PAPPA2: variants seen among roughly 807,000 people sequenced by gnomAD.
PAPPA2 encodes the protein pappalysin 2.
Under a neutral mutation model 176.4 loss-of-function variants are expected in PAPPA2, and 86 were observed. The ratio of observed to expected loss-of-function variants is 0.49; its 90% confidence interval spans 0.41 to 0.58. PAPPA2 has a LOEUF of 0.58. Among genes scored for constraint, PAPPA2 ranks in the 20% least tolerant of loss-of-function variants. PAPPA2 has a pLI of 0.00. For missense variants in PAPPA2, 2,073 were observed against 2,256.9 expected (o/e 0.92, Z 1.65); for synonymous variants, 809 against 852.2 (o/e 0.95, Z 0.88).
At chr1:176,599,151 G>GTA (rs1284878195) in intron 3 of PAPPA2, among the ~76,000 whole-genome samples, 36 of 150,670 alleles carry the variant, frequency 2.4e-4, no homozygotes, top group African/African-American at 4.1e-4. Context: ...GTGTGTGTGT[G>GTA]TATATATATA....
chr1:176,756,785 T>A (rs771643888), intron 14 of PAPPA2, among the ~76,000 whole-genome samples: 3 of 152,178 alleles, frequency 2.0e-5, no homozygotes, highest in Non-Finnish European at 2.9e-5. Context: ...TAGGTATACA[T>A]GTGCCATGTT....
At chr1:176,606,061 T>C (rs1370195588) in intron 3 of PAPPA2, among the ~76,000 whole-genome samples, 1 of 151,554 alleles carries the variant, frequency 6.6e-6, no homozygotes, top group Non-Finnish European at 1.5e-5. Context: ...TTATATATAA[T>C]ATTTTATATA....
At chr1:176,792,565 T>G (rs1326521528) in intron 19 of PAPPA2, among the ~76,000 whole-genome samples, 1 of 152,142 alleles carries the variant, frequency 6.6e-6, no homozygotes, top group African/African-American at 2.4e-5. Context: ...TCTAGAGGCC[T>G]TAAGAGGAAT....
chr1:176,613,050 C>T (rs1655019964), intron 3 of PAPPA2, among the ~76,000 whole-genome samples: 1 of 152,148 alleles, frequency 6.6e-6, no homozygotes, highest in Admixed American at 6.5e-5. Flanking sequence ...TAGCCTTGAT[C>T]TTCTTGATGA....
At chr1:176,761,956 G>A (rs1395670674) in intron 14 of PAPPA2, among the ~76,000 whole-genome samples, 2 of 152,180 alleles carry the variant, frequency 1.3e-5, no homozygotes, top group Non-Finnish European at 2.9e-5. Context: ...TGTAGTATTA[G>A]GTAGAAAGGA....
rs575168496 is a variant in PAPPA2, at chr1:176,499,419, A to G, written c.-917+36001A>G. On this transcript the variant is annotated intron_variant, in intron 1 of 22. Coordinates refer to ENST00000367662, the MANE Select transcript of PAPPA2 (RefSeq NM_020318.3). ...TGCCTCAAACTTATTCCAAAGATCT[A>G]TAAAACTCTGCCAGGTGGTTTATCA... Among the ~76,000 whole-genome samples, 56 of 152,344 alleles carry G rather than the reference A, an allele frequency of 3.7e-4. No individual in the cohort carries two copies. In the Middle Eastern group the frequency reaches 0.01, roughly 28 times the overall value.
chr1:176,776,441 A>G (rs1414127671), intron 17 of PAPPA2, among the ~76,000 whole-genome samples: 3 of 152,174 alleles, frequency 2.0e-5, no homozygotes. Flanking sequence ...CAACTTTTCC[A>G]AAGTACGTAA....
At chr1:176,732,024 A>G (rs1662182067) in intron 12 of PAPPA2, among the ~76,000 whole-genome samples, 1 of 152,168 alleles carries the variant, frequency 6.6e-6, no homozygotes, top group African/African-American at 2.4e-5. Flanking sequence ...AATTTAAAAA[A>G]TATAATTAGT....
intron 17 of PAPPA2, among the ~76,000 whole-genome samples, chr1:176,773,818 CTTCTT>C (rs1458830262): frequency 6.6e-6 from 1 of 152,070 alleles, no homozygotes; most frequent in Non-Finnish European, 1.5e-5. Flanking sequence ...TCCCTTCCTG[CTTCTT>C]TTCAAGTCCA....
At position 176,594,700 on chromosome 1, in the gene PAPPA2, C is replaced by T. The variant is rs1653860452; in HGVS notation, c.1096C>T (p.His366Tyr). 6.2e-7 allele frequency: 1 copy of T among 1,614,232 alleles called. No individual in the cohort carries two copies. The highest frequency in any genetic ancestry group is 8.5e-7 in the Non-Finnish European group (1 of 1,180,042). The change falls in exon 3 of 23, where the codon CAT becomes TAT. Residue 366 changes from histidine to tyrosine, a missense_variant. His to Tyr is a moderately conservative substitution (Grantham distance 83). Transcript: ENST00000367662. ...TCGCTACCAACCAGGCACATGGACC[C>T]ATGTGGCAGCCACTTACGATGGACG... ...HSRYQPGTWT[H>Y]VAATYDGRHM...
intron 3 of PAPPA2, among the ~76,000 whole-genome samples, chr1:176,660,271 A>G (rs1012676797): frequency 3.9e-5 from 6 of 151,928 alleles, no homozygotes; most frequent in African/African-American, 1.5e-4. Context: ...ATCTATAGGC[A>G]TTCTCCTCCC....
intron 4 of PAPPA2, among the ~76,000 whole-genome samples, chr1:176,685,944 C>G (rs1330924583): frequency 6.6e-6 from 1 of 152,208 alleles, no homozygotes; most frequent in Non-Finnish European, 1.5e-5. Context: ...TGTCTTTCCT[C>G]ACCCCTACAT....
chr1:176,808,247 C>A (rs1193841332), intron 21 of PAPPA2, among the ~76,000 whole-genome samples: 1 of 152,148 alleles, frequency 6.6e-6, no homozygotes, highest in Non-Finnish European at 1.5e-5. Flanking sequence ...TATGTCAAGT[C>A]AGGTGTGAAA....
intron 4 of PAPPA2, among the ~76,000 whole-genome samples, chr1:176,682,863 C>A (rs1175176765): frequency 2.0e-5 from 3 of 152,048 alleles, no homozygotes; most frequent in African/African-American, 7.2e-5. Flanking sequence ...CAGAGTTTCA[C>A]CAGTCACTGG....
chr1:176,530,391 G>A (rs1307039138), intron 1 of PAPPA2, among the ~76,000 whole-genome samples: 1 of 152,058 alleles, frequency 6.6e-6, no homozygotes, highest in African/African-American at 2.4e-5. Flanking sequence ...GGAACAGTGA[G>A]GAACACAAGC....
intron 3 of PAPPA2, among the ~76,000 whole-genome samples, chr1:176,604,752 C>G (rs1365140387): frequency 6.6e-6 from 1 of 152,190 alleles, no homozygotes; most frequent in Non-Finnish European, 1.5e-5. Flanking sequence ...TCTTTGTTCA[C>G]AGTTCTTGGA....
chr1:176,762,528 A>G (rs902558113), intron 14 of PAPPA2, among the ~76,000 whole-genome samples: 3 of 152,234 alleles, frequency 2.0e-5, no homozygotes, highest in Admixed American at 1.3e-4. Flanking sequence ...CTTCTTTCCA[A>G]TAAACTAATG....
chr1:176,818,091 C>A (rs918822745), intron 21 of PAPPA2, among the ~76,000 whole-genome samples: 1 of 151,926 alleles, frequency 6.6e-6, no homozygotes, highest in South Asian at 2.1e-4. Flanking sequence ...GAAGGGAGGC[C>A]TAAGGGAAAA....
intron 12 of PAPPA2, among the ~76,000 whole-genome samples, chr1:176,724,444 G>A (rs1661767792): frequency 1.3e-5 from 2 of 152,120 alleles, no homozygotes; most frequent in African/African-American, 4.8e-5. Flanking sequence ...TGGTTTCATA[G>A]GGAGCCCGTC....
Sources: gnomAD v4.1 joint callset for allele counts (sites outside exome capture counted in the v4.1 genomes callset) on GRCh38, gnomAD v4.1.1 for gene constraint, MANE v1.5 for transcripts, NCBI Gene and HGNC (gene_info 2026-07-23, HGNC 2026-07-21) for gene names.